The following STXBP5 variants were observed in gnomAD, a reference collection of about 807,000 sequenced individuals.
The protein encoded by STXBP5 is syntaxin binding protein 5.
STXBP5 carries 50 observed loss-of-function variants against 152.4 expected under a neutral mutation model. The observed-to-expected ratio is 0.33, with a 90% confidence interval of 0.26 to 0.42. The LOEUF (loss-of-function observed/expected upper bound fraction) is 0.42, where lower values mean the gene tolerates loss of function less well. Among genes scored for constraint, STXBP5 ranks in the 10% least tolerant of loss-of-function variants. STXBP5 has a pLI of 1.00. For synonymous variants in STXBP5, 492 were observed against 494.7 expected (o/e 0.99, Z 0.07); for missense variants, 1,167 against 1,388.6 (o/e 0.84, Z 2.54).
At chr6:147,352,880 G>C (rs1313316237) in intron 21 of STXBP5, among the ~76,000 whole-genome samples, 1 of 151,970 alleles carries the variant, frequency 6.6e-6, no homozygotes, top group Non-Finnish European at 1.5e-5. Context: ...CTTTTAAAAA[G>C]TTGGCCAGGC....
chr6:147,311,092 C>T (rs1043337167), intron 10 of STXBP5, among the ~76,000 whole-genome samples: 1 of 151,946 alleles, frequency 6.6e-6, no homozygotes, highest in Non-Finnish European at 1.5e-5. Context: ...TATGAAACAT[C>T]CAAGAAAGAT....
chr6:147,254,535 A>G (rs1779260078), intron 4 of STXBP5, among the ~76,000 whole-genome samples: 1 of 152,208 alleles, frequency 6.6e-6, no homozygotes, highest in South Asian at 2.1e-4. Flanking sequence ...AATTTTTGCA[A>G]TCTATCCATC....
chr6:147,210,813 T>C lies in STXBP5; in HGVS notation c.248+4745T>C, dbSNP rs1582787049. The stretch of plus-strand genomic sequence containing the variant: ...AAGGGATATTGTGGTGGATACATGA[T>C]TATTACATTATTATTATAATACATG... On this transcript the variant is annotated intron_variant, in intron 2 of 27. Transcript: ENST00000321680. 2.0e-5 allele frequency among the ~76,000 whole-genome samples: 3 copies of C among 152,294 alleles called. No homozygotes were observed. The East Asian group carries it at 5.8e-4, about 29-fold the overall frequency.
At chr6:147,346,911 G>T (rs753226161) in intron 21 of STXBP5, among the ~76,000 whole-genome samples, 2 of 152,152 alleles carry the variant, frequency 1.3e-5, no homozygotes, top group African/African-American at 4.8e-5. Context: ...GGAGATACAT[G>T]AGGTGAGCCC....
chr6:147,343,761 T>A (rs995802362), intron 21 of STXBP5, among the ~76,000 whole-genome samples: 1 of 152,224 alleles, frequency 6.6e-6, no homozygotes, highest in African/African-American at 2.4e-5. Context: ...TTAAGTCGTA[T>A]TTTAAGTTAT....
At chr6:147,276,459 C>T (rs931211537) in intron 7 of STXBP5, among the ~76,000 whole-genome samples, 3 of 151,942 alleles carry the variant, frequency 2.0e-5, no homozygotes, top group African/African-American at 4.8e-5. Flanking sequence ...AACAAAGATA[C>T]ACATTGTTTT....
intron 4 of STXBP5, among the ~76,000 whole-genome samples, chr6:147,260,186 G>A (rs1779575802): frequency 6.6e-6 from 1 of 152,126 alleles, no homozygotes; most frequent in Non-Finnish European, 1.5e-5. Context: ...ATATCAAGGA[G>A]GTGCATTTTG....
chr6:147,221,659 GT>G (rs35763375), intron 2 of STXBP5, among the ~76,000 whole-genome samples: 1 of 150,070 alleles, frequency 6.7e-6, no homozygotes, highest in Non-Finnish European at 1.5e-5. Flanking sequence ...TTGGTAAGGG[GT>G]TTTTTTCCAA....
At chr6:147,310,735 G>GT (rs1034309961) in intron 10 of STXBP5, among the ~76,000 whole-genome samples, 1 of 151,978 alleles carries the variant, frequency 6.6e-6, no homozygotes, top group African/African-American at 2.4e-5. Context: ...GCACAATTGC[G>GT]TTTTTTTCAG....
At chr6:147,291,233 C>A in intron 9 of STXBP5, 61 bp downstream of exon 9, 1 of 1,350,088 alleles carries the variant, frequency 7.4e-7, no homozygotes, top group Non-Finnish European at 1.0e-6. Flanking sequence ...GCATGGAAGG[C>A]TATTTTATCA....
At chr6:147,339,961 A>T (rs896959708) in intron 21 of STXBP5, among the ~76,000 whole-genome samples, 11 of 151,998 alleles carry the variant, frequency 7.2e-5, no homozygotes, top group African/African-American at 2.7e-4. Flanking sequence ...AAGTTCTCAA[A>T]GTTTAAAATT....
At chr6:147,254,795 A>T (rs1447415094) in intron 4 of STXBP5, among the ~76,000 whole-genome samples, 1 of 152,216 alleles carries the variant, frequency 6.6e-6, no homozygotes, top group African/African-American at 2.4e-5. Flanking sequence ...TAGAATGGTG[A>T]TCATTAAAAA....
At chr6:147,364,221 G>A (rs1454496077) in intron 25 of STXBP5, 55 bp downstream of exon 25, 24 of 1,470,724 alleles carry the variant, frequency 1.6e-5, no homozygotes, top group Admixed American at 5.5e-5. Context: ...TTCTCTGAGG[G>A]CCCGTATACT....
intron 8 of STXBP5, among the ~76,000 whole-genome samples, chr6:147,279,330 A>G (rs1389202628): frequency 1.3e-5 from 2 of 152,180 alleles, no homozygotes; most frequent in Non-Finnish European, 2.9e-5. Flanking sequence ...TGGCAAGTTT[A>G]GGGAACTCAT....
chr6:147,310,922 G>T (rs1295306252), intron 10 of STXBP5, among the ~76,000 whole-genome samples: 1 of 152,012 alleles, frequency 6.6e-6, no homozygotes, highest in African/African-American at 2.4e-5. Context: ...TGACCAAACA[G>T]CTGGGGGCAC....
intron 2 of STXBP5, among the ~76,000 whole-genome samples, chr6:147,207,652 T>C (rs1776640978): frequency 6.6e-6 from 1 of 152,158 alleles, no homozygotes; most frequent in Admixed American, 6.5e-5. Context: ...TCTAGATGCA[T>C]TCTTTGGAAC....
At chr6:147,295,985 A>T (rs989166832) in intron 9 of STXBP5, among the ~76,000 whole-genome samples, 1 of 152,078 alleles carries the variant, frequency 6.6e-6, no homozygotes. Context: ...CTACAATGCC[A>T]TGATCCCAGC....
chr6:147,384,596 A>G, intron 27 of STXBP5, 118 bp from the exon 28 acceptor site: 1 of 976,266 alleles, frequency 1.0e-6, no homozygotes, highest in East Asian at 2.4e-5. Context: ...GTAAGCATAT[A>G]GTAGCACTAC....
In STXBP5 at chr6:147,316,270, A is replaced by C; in HGVS notation, c.1665A>C (p.Glu555Asp). 6.2e-7 allele frequency: 1 copy of C among 1,614,006 alleles called. No individual in the cohort carries two copies. The highest frequency in any genetic ancestry group is 1.3e-5 in the African/African-American group (1 of 75,016). Reference protein sequence around the residue: ...VRLLYEINDVETPEGEQPPPL... With the variant: ...VRLLYEINDVDTPEGEQPPPL... ...TATTATATGAGATAAATGATGTGGAAACTCCGGAGGGTGAGCAGCCACCAC... is the reference window on the plus strand; with the variant it reads ...TATTATATGAGATAAATGATGTGGACACTCCGGAGGGTGAGCAGCCACCAC... The change falls in exon 16 of 28, where the codon GAA (glutamate) becomes GAC (aspartate). Residue 555 changes from glutamate to aspartate, a missense_variant. Physicochemically the swap from Glu to Asp is conservative, Grantham distance 45. Transcript: ENST00000321680.
Sources: allele counts gnomAD v4.1 joint callset (sites outside exome capture counted in the v4.1 genomes callset), GRCh38; gene constraint gnomAD v4.1.1; transcripts MANE v1.5; gene names NCBI Gene and HGNC (gene_info 2026-07-23, HGNC 2026-07-21).